MAML3: variants seen among roughly 807,000 people sequenced by gnomAD.
MAML3 encodes the protein mastermind-like protein 3.
Under a neutral mutation model 101.9 loss-of-function variants are expected in MAML3, and 27 were observed. The ratio of observed to expected loss-of-function variants is 0.27; its 90% confidence interval spans 0.20 to 0.37. The LOEUF (loss-of-function observed/expected upper bound fraction) is 0.37. Among genes scored for constraint, MAML3 ranks in the 10% least tolerant of loss-of-function variants. The probability of loss-of-function intolerance (pLI) is 1.00; values close to 1 mark genes in which losing one functional copy is unlikely to be tolerated. For missense variants in MAML3, 1,316 were observed against 1,444.9 expected, an observed-to-expected ratio of 0.91 and a Z score of 1.45; for synonymous variants, 501 against 555.9, an observed-to-expected ratio of 0.90 and a Z score of 1.39.
Position 140,152,978 on chromosome 4 carries a change from G to T in MAML3, c.350C>A (p.Thr117Asn). 6.2e-7 allele frequency: 1 copy of T among 1,610,796 alleles called. No homozygotes were observed. The highest frequency in any genetic ancestry group is 2.2e-5 in the East Asian group (1 of 44,824). Residue 117 changes from threonine to asparagine, a missense_variant, in exon 1 of 5, where the codon ACC becomes AAC. By Grantham distance (65) the Thr-to-Asn change is moderately conservative (BLOSUM62 0). Coordinates refer to ENST00000509479, the MANE Select transcript of MAML3 (RefSeq NM_018717.5). The part of the protein sequence containing the change: ...RRDTVSLYQR[T>N]LEQRAKKSGA... ...CGATTTCTTGGCCCTCTGCTCCAGG[G>T]TCCGCTGGTAGAGGCTCACGGTGTC...
intron 2 of MAML3, among the ~76,000 whole-genome samples, chr4:139,845,140 G>A (rs551294538): frequency 6.6e-6 from 1 of 152,270 alleles, no homozygotes; most frequent in South Asian, 2.1e-4. Flanking sequence ...AATCCTGAGG[G>A]TAGGTATCAA....
At chr4:139,987,368 A>G (rs1157361640) in intron 1 of MAML3, among the ~76,000 whole-genome samples, 1 of 152,208 alleles carries the variant, frequency 6.6e-6, no homozygotes, top group Non-Finnish European at 1.5e-5. Flanking sequence ...GTTTCTGAAT[A>G]CTGCTGGTCA....
intron 2 of MAML3, among the ~76,000 whole-genome samples, chr4:139,856,744 T>C (rs530041824): frequency 6.6e-6 from 1 of 152,242 alleles, no homozygotes; most frequent in Non-Finnish European, 1.5e-5. Context: ...AGAATTATGG[T>C]GTCCCATTCT....
Position 139,890,874 on chromosome 4 carries a change from T to A in MAML3, c.562A>T (p.Thr188Ser). 6.2e-7 allele frequency: 1 copy of A among 1,613,802 alleles called. No individual in the cohort carries two copies. The highest frequency in any genetic ancestry group is 8.5e-7 in the Non-Finnish European group (1 of 1,179,770). The change falls in exon 2 of 5, where the codon ACT becomes TCT. Residue 188 changes from threonine (T) to serine (S), a missense_variant. By Grantham distance (58) the Thr-to-Ser change is moderately conservative (BLOSUM62 1). Transcript: ENST00000509479. The surrounding 1 kb of genome is among the most constrained non-coding windows in gnomAD (Gnocchi z 4.1). ...ATGTCCTTTCGAATTCGTTTGCTAG[T>A]CGGAGAAAAATTCCCATCACAAGCA... ...NGACDGNFSP[T>S]SKRIRKDISA...
At chr4:139,993,785 G>A (rs1004108126) in intron 1 of MAML3, among the ~76,000 whole-genome samples, 17 of 151,978 alleles carry the variant, frequency 1.1e-4, no homozygotes, top group Admixed American at 2.0e-4. Flanking sequence ...CTGAGATCGT[G>A]CCACTGCACT....
chr4:140,054,096 G>T (rs982794747), intron 1 of MAML3, among the ~76,000 whole-genome samples: 18 of 152,234 alleles, frequency 1.2e-4, no homozygotes, highest in African/African-American at 3.4e-4. Context: ...ATGGGCAGGC[G>T]CAGTGGCTCA....
chr4:140,092,502 CG>C (rs541037938), intron 1 of MAML3, among the ~76,000 whole-genome samples: 219 of 152,256 alleles, frequency 1.4e-3, no homozygotes, highest in African/African-American at 5.0e-3. Flanking sequence ...CGAGAACAAA[CG>C]GCGCGGCCGC....
At chr4:139,765,571 C>G (rs1410548070) in intron 2 of MAML3, among the ~76,000 whole-genome samples, 1 of 152,138 alleles carries the variant, frequency 6.6e-6, no homozygotes, top group Admixed American at 6.5e-5. Context: ...TTCTTCATTT[C>G]AAGGTTTTTT....
chr4:139,985,140 A>G (rs1485075300), intron 1 of MAML3, among the ~76,000 whole-genome samples: 2 of 152,242 alleles, frequency 1.3e-5, no homozygotes, highest in Admixed American at 6.5e-5. Flanking sequence ...CTCAAAGACT[A>G]TCTCTGAAAG....
intron 2 of MAML3, among the ~76,000 whole-genome samples, chr4:139,829,016 AGGAAGGACGGAC>A (rs1344729473): frequency 0.016 from 2,062 of 132,818 alleles, 25 homozygotes; most frequent in Middle Eastern, 0.058. Flanking sequence ...GAAGGAAGGA[AGGAAGGACGGAC>A]GGACGGACTA....
chr4:139,948,307 T>C (rs544360710), intron 1 of MAML3, among the ~76,000 whole-genome samples: 2 of 152,298 alleles, frequency 1.3e-5, no homozygotes, highest in Non-Finnish European at 2.9e-5. Flanking sequence ...TTAAGAACAG[T>C]TGATGGGCCT....
chr4:139,919,463 T>C (rs1180060841), intron 1 of MAML3, among the ~76,000 whole-genome samples: 1 of 152,246 alleles, frequency 6.6e-6, no homozygotes, highest in African/African-American at 2.4e-5. Context: ...CATAACTTTT[T>C]TATGTAGAAA....
At chr4:139,980,891 G>A (rs1734432001) in intron 1 of MAML3, among the ~76,000 whole-genome samples, 1 of 152,222 alleles carries the variant, frequency 6.6e-6, no homozygotes, top group South Asian at 2.1e-4. Context: ...GTAGAGAATT[G>A]TGTAGCCAGA....
chr4:140,031,692 C>T (rs1279724643), intron 1 of MAML3, among the ~76,000 whole-genome samples: 1 of 152,086 alleles, frequency 6.6e-6, no homozygotes, highest in African/African-American at 2.4e-5. Context: ...AACTTTTATC[C>T]ATACATTTTA....
intron 1 of MAML3, among the ~76,000 whole-genome samples, chr4:139,964,279 T>A (rs2110779680): frequency 6.6e-6 from 1 of 152,320 alleles, no homozygotes; most frequent in East Asian, 1.9e-4. Context: ...TGAGATCATG[T>A]CCTTTGCAGG....
At chr4:140,070,422 T>C (rs1012167283) in intron 1 of MAML3, among the ~76,000 whole-genome samples, 1 of 152,246 alleles carries the variant, frequency 6.6e-6, no homozygotes, top group Admixed American at 6.5e-5. Context: ...TCTTTGAAGG[T>C]GAGCTTACTT....
At position 139,719,354 on chromosome 4, in the gene MAML3, T is replaced by C. The variant is rs781681279; in HGVS notation, c.3386A>G (p.Gln1129Arg). 14 of 1,604,208 alleles carry C rather than the reference T, an allele frequency of 8.7e-6. No individual in the cohort carries two copies. Among genetic ancestry groups the C allele is most frequent in the South Asian group, 5.5e-5 (5 of 90,138 alleles). Reference sequence around the variant, plus strand: ...GTTACCAAACAATTCATCAAGCTCCTGCATCCACTCGTCCCCTGGCCCGCC... The same window carrying C: ...GTTACCAAACAATTCATCAAGCTCCCGCATCCACTCGTCCCCTGGCCCGCC... ...IKGGPGDEWM[Q>R]ELDELFGNP Residue 1129 changes from glutamine (Q) to arginine (R), a missense_variant, in exon 5 of 5, where the codon CAG becomes CGG. Gln to Arg is a conservative substitution (Grantham distance 43, BLOSUM62 1). Coordinates refer to ENST00000509479, the MANE Select transcript of MAML3 (RefSeq NM_018717.5).
chr4:140,048,473 G>A (rs146653322), intron 1 of MAML3, among the ~76,000 whole-genome samples: 4 of 152,216 alleles, frequency 2.6e-5, no homozygotes, highest in African/African-American at 9.6e-5. Context: ...AAAAACAGTG[G>A]GTGCCTTCAC....
At chr4:139,827,263 G>A (rs760094804) in intron 2 of MAML3, among the ~76,000 whole-genome samples, 8 of 152,154 alleles carry the variant, frequency 5.3e-5, no homozygotes, top group Non-Finnish European at 1.0e-4. Flanking sequence ...AGTTTAAGAC[G>A]ACCACAACCA....
Sources: gnomAD v4.1 joint callset for allele counts (sites outside exome capture counted in the v4.1 genomes callset) on GRCh38, gnomAD v4.1.1 for gene constraint, Gnocchi (gnomAD v3.1) non-coding constraint, MANE v1.5 for transcripts, NCBI Gene and HGNC (gene_info 2026-07-23, HGNC 2026-07-21) for gene names.